ARIH1: variants seen among roughly 807,000 people sequenced by gnomAD.
ARIH1 encodes the protein E3 ubiquitin-protein ligase ARIH1.
A neutral mutation model predicts 85.0 loss-of-function variants in ARIH1; 8 were observed. The ratio of observed to expected loss-of-function variants is 0.09; its 90% CI spans 0.06 to 0.17. The LOEUF (loss-of-function observed/expected upper bound fraction) is 0.17. Ranked by LOEUF, ARIH1 falls within the 10% of genes least tolerant of loss-of-function variation. The probability of loss-of-function intolerance (pLI) is 1.00; values close to 1 mark genes in which losing one functional copy is unlikely to be tolerated. For missense variants in ARIH1, 311 were observed against 718.1 expected (o/e 0.43, Z 6.48); for synonymous variants, 238 against 253.6 (o/e 0.94, Z 0.59).
At chr15:72,577,982 C>CT (rs1357405219) in intron 11 of ARIH1, among the ~76,000 whole-genome samples, 1 of 152,200 alleles carries the variant, frequency 6.6e-6, no homozygotes, top group East Asian at 1.9e-4. Flanking sequence ...CCAAAGCAGT[C>CT]TTAAGTAATC....
At chr15:72,533,937 T>A (rs898169202) in intron 2 of ARIH1, among the ~76,000 whole-genome samples, 41 of 152,196 alleles carry the variant, frequency 2.7e-4, no homozygotes, top group African/African-American at 9.9e-4. Context: ...ATAAGCATGT[T>A]CCTAGCAGTA....
chr15:72,561,382 CAT>C, intron 5 of ARIH1, 99 bp from the exon 6 acceptor site: 1 of 792,218 alleles, frequency 1.3e-6, no homozygotes, highest in Non-Finnish European at 2.1e-6. Flanking sequence ...AGGGCATAAA[CAT>C]GTAGCCGTAG....
At chr15:72,491,726 T>A (rs2063860377) in intron 1 of ARIH1, among the ~76,000 whole-genome samples, 2 of 152,240 alleles carry the variant, frequency 1.3e-5, no homozygotes, top group Non-Finnish European at 2.9e-5. Context: ...CTTACGGAAC[T>A]TTAGTTATCA....
intron 3 of ARIH1, among the ~76,000 whole-genome samples, chr15:72,547,246 T>TC (rs2064133747): frequency 6.6e-6 from 1 of 151,916 alleles, no homozygotes; most frequent in Non-Finnish European, 1.5e-5. Context: ...TTCTCTTTTT[T>TC]TTTTGACACG....
In ARIH1 at chr15:72,601,873, A is replaced by G. The variant is rs1174859240; in HGVS notation, c.*18581A>G. 6.6e-6 allele frequency: 1 copy of G among 152,238 alleles called. No individual in the cohort carries two copies. Among genetic ancestry groups the G allele is most frequent in the Non-Finnish European group, 1.5e-5 (1 of 68,048 alleles). The allele number at this position is 152,238 out of a possible 1,614,324, so 9.4% of individuals were successfully genotyped here. On this transcript the variant is annotated 3_prime_UTR_variant, in exon 14 of 14. Coordinates refer to ENST00000379887, the MANE Select transcript of ARIH1 (RefSeq NM_005744.5). Reference sequence around the variant, plus strand: ...TAGAACCACTTTTAGCATTTTGAATATCCTTCCAGAAATATTTTCTAAGTA... The same window carrying G: ...TAGAACCACTTTTAGCATTTTGAATGTCCTTCCAGAAATATTTTCTAAGTA...
chr15:72,513,012 C>G (rs1056825532), intron 1 of ARIH1, among the ~76,000 whole-genome samples: 1 of 151,934 alleles, frequency 6.6e-6, no homozygotes, highest in African/African-American at 2.4e-5. Context: ...TATATCTTTT[C>G]CCATCTTTTT....
chr15:72,544,663 G>A (rs749355511), intron 2 of ARIH1, among the ~76,000 whole-genome samples, 157 bp from the exon 3 acceptor site: 3 of 151,934 alleles, frequency 2.0e-5, no homozygotes, highest in African/African-American at 7.3e-5. Context: ...GCTATAATTT[G>A]TACCATGTAG....
At position 72,582,855 on chromosome 15, in the gene ARIH1, CAG is replaced by C. The variant is rs979824319; in HGVS notation, c.1590-349_1590-348del. ...TTGTTTACAGTACTTTTACAGTTGACAGAGATTTTAAGGACGTGAATAAAGAA... is the reference window on the plus strand; with the variant it reads ...TTGTTTACAGTACTTTTACAGTTGACAGATTTTAAGGACGTGAATAAAGAA... On this transcript the variant is annotated intron_variant, in intron 13 of 13. Coordinates refer to ENST00000379887, the MANE Select transcript of ARIH1 (RefSeq NM_005744.5). The surrounding 1 kb of genome is among the most constrained non-coding windows in gnomAD (Gnocchi z 4.6). 2.0e-5 allele frequency among the ~76,000 whole-genome samples: 3 copies of C among 152,062 alleles called. No homozygotes were observed. Among genetic ancestry groups the C allele is most frequent in the East Asian group, 1.9e-4 (1 of 5,200 alleles).
chr15:72,491,308 AC>A (rs1021147619), intron 1 of ARIH1, among the ~76,000 whole-genome samples: 3 of 113,886 alleles, frequency 2.6e-5, no homozygotes, highest in South Asian at 5.8e-4. Flanking sequence ...GCTTCCCCCC[AC>A]CCCCCCATAA....
At chr15:72,561,000 A>G (rs1204259431) in intron 5 of ARIH1, among the ~76,000 whole-genome samples, 1 of 152,212 alleles carries the variant, frequency 6.6e-6, no homozygotes, top group Non-Finnish European at 1.5e-5. Context: ...TCAGAAGAAG[A>G]AGGCTCTTAA....
At position 72,601,308 on chromosome 15, in the gene ARIH1, C is replaced by A. The variant is rs1051706317; in HGVS notation, c.*18016C>A. 1.3e-5 allele frequency: 2 copies of A among 152,234 alleles called. No homozygotes were observed. Among genetic ancestry groups the A allele is most frequent in the African/African-American group, 4.8e-5 (2 of 41,450 alleles). 9.4% of individuals were successfully genotyped at this position (152,234 alleles called of 1,614,324 possible). A position where few individuals can be genotyped will look rare whatever the true frequency, so the allele number is the denominator to read the frequency against. On this transcript the variant is annotated 3_prime_UTR_variant, in exon 14 of 14. Transcript: ENST00000379887. ...TTATTAAGTGTTCATTCTGACCATGCCATTCCTTGCTCAAAATTCTCTAGT... is the reference window on the plus strand; with the variant it reads ...TTATTAAGTGTTCATTCTGACCATGACATTCCTTGCTCAAAATTCTCTAGT...
At chr15:72,511,384 A>T (rs1595857157) in intron 1 of ARIH1, among the ~76,000 whole-genome samples, 1 of 151,776 alleles carries the variant, frequency 6.6e-6, no homozygotes, top group African/African-American at 2.4e-5. Context: ...CTCACTTGTA[A>T]CCTCCGCTTC....
At chr15:72,518,430 A>G (rs1250928758) in intron 2 of ARIH1, among the ~76,000 whole-genome samples, 1 of 152,170 alleles carries the variant, frequency 6.6e-6, no homozygotes, top group Non-Finnish European at 1.5e-5. Context: ...AAGCAGGTAG[A>G]GAAAAAAAGC....
intron 1 of ARIH1, among the ~76,000 whole-genome samples, chr15:72,482,055 C>T (rs547009029): frequency 1.3e-5 from 2 of 152,194 alleles, no homozygotes; most frequent in South Asian, 2.1e-4. Flanking sequence ...AGGCTGATCT[C>T]GAACTCCTGA....
chr15:72,543,567 TATTA>T (rs1045926736), intron 2 of ARIH1, among the ~76,000 whole-genome samples: 2 of 152,170 alleles, frequency 1.3e-5, no homozygotes, highest in African/African-American at 4.8e-5. Context: ...GATATTTATT[TATTA>T]GTCTTAGGAG....
intron 2 of ARIH1, among the ~76,000 whole-genome samples, chr15:72,521,953 C>G (rs2064002165): frequency 6.6e-6 from 1 of 152,172 alleles, no homozygotes; most frequent in African/African-American, 2.4e-5. Flanking sequence ...TGACTTTGTT[C>G]TGTGAAAATT....
chr15:72,516,939 AT>A lies in ARIH1; in HGVS notation c.376-1126del, dbSNP rs2063977688. Among the ~76,000 whole-genome samples the A allele has an allele frequency of 3.3e-5, 5 of 152,326 alleles. No individual in the cohort carries two copies. In the South Asian group the frequency reaches 1.0e-3, roughly 32 times the overall value. ...CACATGTTTGAGTTCCACTTCTGCT[AT>A]TGTAACTAGCTCTTGTATCTTTGAA... On this transcript the variant is annotated intron_variant, in intron 1 of 13. Transcript: ENST00000379887.
At chr15:72,551,753 G>A (rs574427097) in intron 3 of ARIH1, among the ~76,000 whole-genome samples, 1 of 152,152 alleles carries the variant, frequency 6.6e-6, no homozygotes, top group South Asian at 2.1e-4. Flanking sequence ...CTTATAAATG[G>A]CCAATTTCCT....
intron 2 of ARIH1, 81 bp from the exon 3 acceptor site, chr15:72,544,739 C>T: frequency 8.0e-6 from 10 of 1,253,258 alleles, no homozygotes; most frequent in Middle Eastern, 2.2e-4. Flanking sequence ...CTTGCTTTTC[C>T]CTATAGAAAG....
Sources: gnomAD v4.1 joint callset for allele counts (sites outside exome capture counted in the v4.1 genomes callset) on GRCh38, gnomAD v4.1.1 for gene constraint, Gnocchi (gnomAD v3.1) non-coding constraint, MANE v1.5 for transcripts, NCBI Gene and HGNC (gene_info 2026-07-23, HGNC 2026-07-21) for gene names.